Variants in SCEL observed in about 807,000 individuals in gnomAD.
SCEL encodes the protein sciellin.
Under a neutral mutation model 117.6 loss-of-function variants are expected in SCEL, and 113 were observed. That is an observed-to-expected ratio of 0.96 (90% confidence interval 0.83 to 1.12). SCEL has a LOEUF of 1.12. SCEL is among the 50% of genes most tolerant of loss of function. The pLI, the probability that SCEL is intolerant of heterozygous loss-of-function variation, is 0.00. For synonymous variants in SCEL, 270 were observed against 256.2 expected (o/e 1.05, Z -0.51); for missense variants, 785 against 810.8 (o/e 0.97, Z 0.39).
intron 18 of SCEL, 121 bp downstream of exon 18, chr13:77,603,256 G>T: frequency 2.0e-6 from 1 of 499,708 alleles, no homozygotes. Context: ...AATAAAGATA[G>T]GCCACACGAC....
chr13:77,538,385 G>C (rs1284394975), intron 1 of SCEL, among the ~76,000 whole-genome samples: 2 of 152,138 alleles, frequency 1.3e-5, no homozygotes, highest in African/African-American at 4.8e-5. Flanking sequence ...CCAAAGTGCT[G>C]GGATTACAGG....
At chr13:77,536,583 T>G (rs1351106322) in intron 1 of SCEL, among the ~76,000 whole-genome samples, 3 of 152,234 alleles carry the variant, frequency 2.0e-5, no homozygotes, top group African/African-American at 4.8e-5. Flanking sequence ...AAACCAGTTT[T>G]GGGAGACTTT....
At chr13:77,639,932 G>A (rs551151605) in intron 30 of SCEL, among the ~76,000 whole-genome samples, 1 of 152,238 alleles carries the variant, frequency 6.6e-6, no homozygotes, top group East Asian at 1.9e-4. Context: ...TAAGGTTCTG[G>A]TGTGACTCAA....
At chr13:77,543,752 T>C (rs1415022958) in intron 1 of SCEL, among the ~76,000 whole-genome samples, 1 of 152,200 alleles carries the variant, frequency 6.6e-6, no homozygotes, top group Non-Finnish European at 1.5e-5. Flanking sequence ...GCTGCATCCA[T>C]GTTGCTGCAA....
At chr13:77,552,931 A>G (rs966481451) in intron 1 of SCEL, among the ~76,000 whole-genome samples, 3 of 152,214 alleles carry the variant, frequency 2.0e-5, no homozygotes, top group Admixed American at 2.0e-4. Context: ...ACATATGGCT[A>G]GCCAGTTTTC....
intron 27 of SCEL, among the ~76,000 whole-genome samples, chr13:77,627,051 A>T (rs1162336455): frequency 6.6e-6 from 1 of 152,208 alleles, no homozygotes. Context: ...ATGCAGCCCA[A>T]GATATAAGAA....
Position 77,644,953 on chromosome 13 carries a change from G to T in SCEL, c.*679G>T, listed in dbSNP as rs1293170601. ...CATGTTTGTTAAGCCTATTGAACTA[G>T]GTAGGACATATAAACAATTTAATTT... On this transcript the variant is annotated 3_prime_UTR_variant, in exon 33 of 33. Transcript: ENST00000349847. The T allele has an allele frequency of 1.3e-5, 2 of 152,062 alleles. No homozygotes were observed. The highest frequency in any genetic ancestry group is 2.9e-5 in the Non-Finnish European group (2 of 67,982). 9.4% of individuals were successfully genotyped at this position (152,062 alleles called of 1,614,324 possible). A position where few individuals can be genotyped will look rare whatever the true frequency, so the allele number is the denominator to read the frequency against.
intron 18 of SCEL, 77 bp from the exon 19 acceptor site, chr13:77,604,279 A>G (rs935608374): frequency 1.1e-5 from 10 of 896,212 alleles, no homozygotes; most frequent in African/African-American, 1.8e-5. Flanking sequence ...ACCACTTCTT[A>G]ATTTTTCCAG....
intron 32 of SCEL, among the ~76,000 whole-genome samples, chr13:77,643,875 T>C (rs888502864): frequency 1.3e-5 from 2 of 152,200 alleles, no homozygotes; most frequent in African/African-American, 2.4e-5. Context: ...TAATGTTATA[T>C]AATGGGTCTT....
At chr13:77,556,041 T>C (rs950179369) in intron 2 of SCEL, 123 bp downstream of exon 2, 1 of 630,498 alleles carries the variant, frequency 1.6e-6, no homozygotes, top group African/African-American at 1.8e-5. Context: ...TTAATTAGCA[T>C]TGCAAAGTTA....
chr13:77,616,349 T>C (rs1342853018), intron 24 of SCEL, among the ~76,000 whole-genome samples: 1 of 152,078 alleles, frequency 6.6e-6, no homozygotes, highest in African/African-American at 2.4e-5. Context: ...TTGTATTTTA[T>C]AATAATATGT....
intron 1 of SCEL, among the ~76,000 whole-genome samples, chr13:77,537,797 A>G (rs778309720): frequency 1.3e-4 from 20 of 152,254 alleles, no homozygotes; most frequent in Non-Finnish European, 2.8e-4. Flanking sequence ...GACTGAGCTC[A>G]TACTGTGGAA....
At chr13:77,581,234 G>C (rs1050809018) in intron 9 of SCEL, among the ~76,000 whole-genome samples, 3 of 152,130 alleles carry the variant, frequency 2.0e-5, no homozygotes, top group East Asian at 1.9e-4. Flanking sequence ...TGAATGCCTA[G>C]ATTGCTCATT....
intron 24 of SCEL, among the ~76,000 whole-genome samples, chr13:77,617,111 G>T (rs574984877): frequency 2.0e-5 from 3 of 152,096 alleles, no homozygotes; most frequent in Non-Finnish European, 4.4e-5. Context: ...ATGAACAGCT[G>T]AGTTTAATTC....
chr13:77,558,966 C>T (rs2084821421), intron 3 of SCEL, among the ~76,000 whole-genome samples: 1 of 152,070 alleles, frequency 6.6e-6, no homozygotes, highest in Admixed American at 6.5e-5. Flanking sequence ...AAAGACTTCA[C>T]TACGTGTTTT....
intron 17 of SCEL, 26 bp downstream of exon 17, chr13:77,602,739 A>G: frequency 6.3e-7 from 1 of 1,593,854 alleles, no homozygotes; most frequent in Non-Finnish European, 8.6e-7. Context: ...ATGTCTCTAA[A>G]TATTGGTTAT....
chr13:77,586,667 A>T lies in SCEL; in HGVS notation c.546-2477A>T, dbSNP rs557168206. On this transcript the variant is annotated intron_variant, in intron 9 of 32. Transcript: ENST00000349847. ...CCAACCAGTTGAATATGGCAAGAGG[A>T]AACAATGCCAAATAACCTGATTTTA... is the stretch of plus-strand genomic sequence containing the variant. 8.0e-4 allele frequency among the ~76,000 whole-genome samples: 122 copies of T among 152,254 alleles called. 1 individual carries two copies. The highest frequency in any genetic ancestry group is 2.7e-3 in the African/African-American group (112 of 41,554).
intron 1 of SCEL, among the ~76,000 whole-genome samples, chr13:77,553,316 T>G (rs1243872699): frequency 6.6e-6 from 1 of 152,208 alleles, no homozygotes; most frequent in Non-Finnish European, 1.5e-5. Flanking sequence ...CCCTGTCTTT[T>G]GTCTCACAAT....
intron 27 of SCEL, among the ~76,000 whole-genome samples, chr13:77,621,735 G>T (rs2089436886): frequency 6.6e-6 from 1 of 152,186 alleles, no homozygotes; most frequent in African/African-American, 2.4e-5. Flanking sequence ...TCCACTTAGA[G>T]AAAGTCTAGC....
Sources: allele counts gnomAD v4.1 joint callset (sites outside exome capture counted in the v4.1 genomes callset), GRCh38; gene constraint gnomAD v4.1.1; transcripts MANE v1.5; gene names NCBI Gene and HGNC (gene_info 2026-07-23, HGNC 2026-07-21).